CACNB1: variants seen among roughly 807,000 people sequenced by gnomAD.
CACNB1 encodes the protein calcium voltage-gated channel auxiliary subunit beta 1, also known as voltage-dependent L-type calcium channel subunit beta-1.
A neutral mutation model predicts 71.6 loss-of-function variants in CACNB1; 29 were observed. That is an observed-to-expected ratio of 0.40 (90% CI 0.30 to 0.55). The LOEUF is 0.55. CACNB1 is among the 20% of genes least tolerant of loss of function. The pLI, the probability that CACNB1 is intolerant of heterozygous loss-of-function variation, is 0.38. For synonymous variants in CACNB1, 300 were observed against 319.6 expected (o/e 0.94, Z 0.65); for missense variants, 623 against 801.8 (o/e 0.78, Z 2.69).
Position 39,174,835 on chromosome 17 carries a change from G to C in CACNB1, c.*358C>G. The C allele has an allele frequency of 4.9e-6, 1 of 202,066 alleles. No individual in the cohort carries two copies. Among genetic ancestry groups the C allele is most frequent in the Admixed American group, 5.4e-5 (1 of 18,628 alleles). The allele number at this position is 202,066 out of a possible 1,614,324, so 12.5% of individuals were successfully genotyped here. On this transcript the variant is annotated 3_prime_UTR_variant, in exon 14 of 14. Transcript: ENST00000394303. ...CCAGTACTGCAGCTTGGGAGAAGGA[G>C]AGCCATCCCACTTAGGACCGTCACT...
At chr17:39,185,986 C>T (rs745394525) in intron 6 of CACNB1, 26 of 1,613,402 alleles carry the variant, frequency 1.6e-5, no homozygotes, top group East Asian at 6.7e-5. Context: ...CATGGGGTGG[C>T]GGGGTGGTGA....
At chr17:39,180,512 A>G (rs1407153187) in intron 11 of CACNB1, among the ~76,000 whole-genome samples, 1 of 151,330 alleles carries the variant, frequency 6.6e-6, no homozygotes, top group Admixed American at 6.6e-5. Flanking sequence ...AAAATTAGCC[A>G]GGTGTGGTGG....
At position 39,175,364 on chromosome 17, in the gene CACNB1, T is replaced by C; in HGVS notation, c.1626A>G (p.Pro542=). Residue 542 remains proline (P), a synonymous_variant, in exon 14 of 14, where the codon CCA becomes CCG. Transcript: ENST00000394303. This position sits in a 1 kb window ranked among gnomAD's most constrained non-coding sequence, Gnocchi z 4.7. ...LGDPAGGGTP[P]ARQGSWEDEE... is the part of the protein sequence containing the mutation. The stretch of plus-strand genomic sequence containing the variant: ...CGTCCTCCCAGGATCCCTGTCGGGC[T>C]GGGGGCGTGCCGCCCCCTGCAGGGT... The C allele has an allele frequency of 6.2e-7, 1 of 1,614,110 alleles. No homozygotes were observed. The highest frequency in any genetic ancestry group is 8.5e-7 in the Non-Finnish European group (1 of 1,180,006).
chr17:39,185,067 TAGA>T (rs1293596233), intron 7 of CACNB1, 61 bp downstream of exon 7: 2 of 1,482,214 alleles, frequency 1.3e-6, no homozygotes, highest in East Asian at 4.5e-5. Flanking sequence ...GAATGGGTGT[TAGA>T]AGGTCCCCCT....
Position 39,184,857 on chromosome 17 carries a change from T to A in CACNB1, c.656A>T (p.His219Leu), listed in dbSNP as rs769916627. Residue 219 changes from histidine to leucine, a missense_variant, in exon 8 of 14, where the codon CAT (histidine) becomes CTT (leucine). His to Leu is a moderately conservative substitution (Grantham distance 99). Transcript: ENST00000394303. Reference sequence around the variant, plus strand: ...AGGCACCACGTCATAGGGGGGCACATGCTCTGTCTGGGGGGGGAAGCAGGG... The same window carrying A: ...AGGCACCACGTCATAGGGGGGCACAAGCTCTGTCTGGGGGGGGAAGCAGGG... ...SAKQKQKSTE[H>L]VPPYDVVPSM... 1.6e-6 allele frequency: 2 copies of A among 1,275,734 alleles called. No individual in the cohort carries two copies. The highest frequency in any genetic ancestry group is 1.2e-5 in the South Asian group (1 of 84,860). 79.0% of individuals were successfully genotyped at this position (1,275,734 alleles called of 1,614,324 possible).
chr17:39,177,182 C>T (rs1244171062), intron 13 of CACNB1, 168 bp downstream of exon 13: 5 of 1,458,912 alleles, frequency 3.4e-6, no homozygotes, highest in East Asian at 4.8e-5. Flanking sequence ...TCCCTTCCTC[C>T]TCCATGTTCC....
In CACNB1 at chr17:39,191,606, A is replaced by G. The variant is rs746544734; in HGVS notation, c.172-13T>C. 1 of 1,608,072 alleles carries G rather than the reference A, an allele frequency of 6.2e-7. No homozygotes were observed. Among genetic ancestry groups the G allele is most frequent in the Non-Finnish European group, 8.5e-7 (1 of 1,178,002 alleles). On this transcript the variant is annotated splice_polypyrimidine_tract_variant and intron_variant, in intron 2 of 13. Transcript: ENST00000394303. The stretch of plus-strand genomic sequence containing the variant: ...ACTCCGCTGAGCCCTGAAAATAGAG[A>G]GAGCCAGATCAGGGCCATTGCTGCC...
At chr17:39,197,286 G>A in intron 1 of CACNB1, 126 bp downstream of exon 1, 1 of 534,114 alleles carries the variant, frequency 1.9e-6, no homozygotes, top group Non-Finnish European at 3.1e-6. Context: ...GATGGGGGGC[G>A]CGCAGGCATC....
At chr17:39,193,705 C>G (rs572831667) in intron 2 of CACNB1, 1 of 231,140 alleles carries the variant, frequency 4.3e-6, no homozygotes. Context: ...GGTCTGACTC[C>G]CTGGGTTGGC....
In CACNB1 at chr17:39,186,803, G is replaced by C. The variant is rs766237964; in HGVS notation, c.541C>G (p.Leu181Val). 1 of 1,613,946 alleles carries C rather than the reference G, an allele frequency of 6.2e-7. No homozygotes were observed. Among genetic ancestry groups the C allele is most frequent in the South Asian group, 1.1e-5 (1 of 91,078 alleles). ...GCCCCACCCAGACACCTGGAGCCGA[G>C]GCGGTTCTGGCGCAGCTTCTGTTCC... Reference protein sequence around the residue: ...LQEQKLRQNRLGSSKSGDNSS... With the variant: ...LQEQKLRQNRVGSSKSGDNSS... Residue 181 changes from leucine (L) to valine (V), a missense_variant, in exon 5 of 14, where the codon CTC becomes GTC. Physicochemically the swap from Leu to Val is conservative, Grantham distance 32. Coordinates refer to ENST00000394303, the MANE Select transcript of CACNB1 (RefSeq NM_000723.5). This position sits in a 1 kb window ranked among gnomAD's most constrained non-coding sequence, Gnocchi z 4.1.
rs1221650931 is a variant in CACNB1, at chr17:39,175,730, G to C, written c.1333-73C>G. The C allele has an allele frequency of 1.6e-6, 2 of 1,230,668 alleles. No individual in the cohort carries two copies. Among genetic ancestry groups the C allele is most frequent in the Non-Finnish European group, 2.3e-6 (2 of 882,590 alleles). The allele number at this position is 1,230,668 out of a possible 1,614,324, so 76.2% of individuals were successfully genotyped here. ...AGAAAAACACAACAAAGCAAGGCAA[G>C]TTAGTGACAGCATTAAGAGGTCCGG... On this transcript the variant is annotated intron_variant, in intron 13 of 13. Transcript: ENST00000394303. This position sits in a 1 kb window ranked among gnomAD's most constrained non-coding sequence, Gnocchi z 4.7.
rs866083601 is a variant in CACNB1, at chr17:39,177,791, C to T, written c.1146+193G>A. ...CTGGGAGACAGGGCTTGACTCTCCA[C>T]GCAGAAGGGTGCTTCTGGGGCTTGA... On this transcript the variant is annotated intron_variant, in intron 12 of 13. Coordinates refer to ENST00000394303, the MANE Select transcript of CACNB1 (RefSeq NM_000723.5). 7.9e-5 allele frequency among the ~76,000 whole-genome samples: 12 copies of T among 152,274 alleles called. No homozygotes were observed. In the Middle Eastern group the frequency reaches 0.017, roughly 216 times the overall value.
At position 39,175,297 on chromosome 17, in the gene CACNB1, G is replaced by A. The variant is rs935719056; in HGVS notation, c.1693C>T (p.Arg565Trp). ...YEEELTDNRN[R>W]GRNKARYCAE... ...CAGTAGCGGGCCTTATTCCGGCCCC[G>A]GTTCCGGTTGTCGGTCAGCTCTTCC... Residue 565 changes from arginine to tryptophan, a missense_variant, in exon 14 of 14, where the codon CGG (arginine) becomes TGG (tryptophan). Coordinates refer to ENST00000394303, the MANE Select transcript of CACNB1 (RefSeq NM_000723.5). The surrounding 1 kb of genome is among the most constrained non-coding windows in gnomAD (Gnocchi z 4.7). 1.1e-5 allele frequency: 18 copies of A among 1,614,138 alleles called. No individual in the cohort carries two copies. The highest frequency in any genetic ancestry group is 1.6e-4 in the Middle Eastern group (1 of 6,062).
Position 39,197,542 on chromosome 17 carries a change from C to T in CACNB1, c.-47G>A. The T allele has an allele frequency of 2.1e-6, 3 of 1,416,112 alleles. No individual in the cohort carries two copies. The highest frequency in any genetic ancestry group is 2.8e-6 in the Non-Finnish European group (3 of 1,059,300). The allele number at this position is 1,416,112 out of a possible 1,614,324, so 87.7% of individuals were successfully genotyped here. ...CCGCCGGCCCGGCCCAGCCGGGCTC[C>T]CTCAGCGCATGGGAGAGGCCGTGGG... On this transcript the variant is annotated 5_prime_UTR_variant, in exon 1 of 14. Transcript: ENST00000394303.
At chr17:39,187,851 T>C (rs1187787483) in intron 3 of CACNB1, among the ~76,000 whole-genome samples, 1 of 151,928 alleles carries the variant, frequency 6.6e-6, no homozygotes, top group African/African-American at 2.4e-5. Flanking sequence ...CCGTCTCTAC[T>C]AAAAATACAA....
At chr17:39,196,773 A>G (rs1180811913) in intron 1 of CACNB1, among the ~76,000 whole-genome samples, 32 of 37,654 alleles carry the variant, frequency 8.5e-4, no homozygotes, top group Non-Finnish European at 1.5e-3. Flanking sequence ...CAAACTTTGG[A>G]GGCGTTTTTG....
At chr17:39,179,467 G>C (rs2045689049) in intron 11 of CACNB1, among the ~76,000 whole-genome samples, 1 of 151,646 alleles carries the variant, frequency 6.6e-6, no homozygotes, top group Non-Finnish European at 1.5e-5. Context: ...TGTAGACCCA[G>C]CTACTTGGGA....
chr17:39,178,260 A>C (rs2070887548), intron 11 of CACNB1, 181 bp from the exon 12 acceptor site: 1 of 568,018 alleles, frequency 1.8e-6, no homozygotes, highest in African/African-American at 1.9e-5. Flanking sequence ...TGTCTACCCT[A>C]TGCAAAGCTC....
chr17:39,190,582 C>G (rs1351414881), intron 3 of CACNB1, among the ~76,000 whole-genome samples: 4 of 151,934 alleles, frequency 2.6e-5, no homozygotes, highest in African/African-American at 9.6e-5. Flanking sequence ...CGTACACCAC[C>G]ACACCCAGCT....
Sources: gnomAD v4.1 joint callset for allele counts (sites outside exome capture counted in the v4.1 genomes callset) on GRCh38, gnomAD v4.1.1 for gene constraint, Gnocchi (gnomAD v3.1) non-coding constraint, MANE v1.5 for transcripts, NCBI Gene and HGNC (gene_info 2026-07-23, HGNC 2026-07-21) for gene names.